Variants in TUSC3 observed in about 807,000 individuals in gnomAD.
TUSC3 encodes the protein tumor suppressor candidate 3, also known as dolichyl-diphosphooligosaccharide--protein glycosyltransferase subunit TUSC3.
In TUSC3, 45 loss-of-function variants were observed where a neutral mutation model predicts 44.8. The ratio of observed to expected loss-of-function variants is 1.00; its 90% CI spans 0.79 to 1.29. The LOEUF (loss-of-function observed/expected upper bound fraction) is 1.29, where lower values mean the gene tolerates loss of function less well. Among genes scored for constraint, TUSC3 ranks in the 50% most tolerant of loss-of-function variants. TUSC3 has a pLI of 0.00. For missense variants in TUSC3, 519 were observed against 437.9 expected (o/e 1.19, Z -1.65); for synonymous variants, 212 against 152.9 (o/e 1.39, Z -2.85).
chr8:15,622,364 C>G (rs1245930847), intron 1 of TUSC3, among the ~76,000 whole-genome samples: 1 of 151,538 alleles, frequency 6.6e-6, no homozygotes, highest in East Asian at 1.9e-4. Flanking sequence ...ACTCCTTGGG[C>G]TCAAGTGATC....
At chr8:15,617,675 G>A (rs1050259950) in intron 1 of TUSC3, among the ~76,000 whole-genome samples, 3 of 152,174 alleles carry the variant, frequency 2.0e-5, no homozygotes, top group Admixed American at 1.3e-4. Context: ...TTTGTGTACA[G>A]CTTCTTTTTC....
the TUSC3 span, among the ~76,000 whole-genome samples, chr8:15,838,157 A>G: frequency 6.6e-6 from 1 of 152,138 alleles, no homozygotes; most frequent in East Asian, 1.9e-4. Context: ...TGCCCTGAAA[A>G]TATCTTCCTA....
At chr8:15,788,615 C>T in the TUSC3 span, among the ~76,000 whole-genome samples, 1 of 151,564 alleles carries the variant, frequency 6.6e-6, no homozygotes, top group African/African-American at 2.4e-5. Context: ...AAATCAGATC[C>T]TCATCCAGAC....
At chr8:15,455,366 CATGTATATGT>C (rs1248076566) in intron 1 of TUSC3, among the ~76,000 whole-genome samples, 1 of 151,910 alleles carries the variant, frequency 6.6e-6, no homozygotes. Context: ...GGTGCTCCAT[CATGTATATGT>C]ATGTATATGT....
At chr8:15,577,446 G>C (rs1028600392) in intron 1 of TUSC3, among the ~76,000 whole-genome samples, 1 of 151,604 alleles carries the variant, frequency 6.6e-6, no homozygotes, top group Non-Finnish European at 1.5e-5. Flanking sequence ...TATGGTTTTA[G>C]CTCTAATGTT....
chr8:15,504,939 C>T (rs930596075), intron 2 of TUSC3, among the ~76,000 whole-genome samples: 5 of 151,712 alleles, frequency 3.3e-5, no homozygotes, highest in South Asian at 2.1e-4. Flanking sequence ...GGCAATTTTG[C>T]GTCTTTCTTT....
At chr8:15,843,406 T>A in the TUSC3 span, among the ~76,000 whole-genome samples, 1 of 152,112 alleles carries the variant, frequency 6.6e-6, no homozygotes, top group Non-Finnish European at 1.5e-5. Context: ...TGCAGAATGT[T>A]ATTTAACTCT....
At chr8:15,671,843 T>C (rs944923336) in intron 5 of TUSC3, among the ~76,000 whole-genome samples, 5 of 151,834 alleles carry the variant, frequency 3.3e-5, no homozygotes, top group Admixed American at 2.6e-4. Flanking sequence ...TAAATGATAC[T>C]TTTTTTTATG....
chr8:15,606,451 T>C lies in TUSC3; in HGVS notation c.139-16629T>C, dbSNP rs1359700837. 3.3e-5 allele frequency among the ~76,000 whole-genome samples: 5 copies of C among 152,162 alleles called. No individual in the cohort carries two copies. In the East Asian group the frequency reaches 9.7e-4, roughly 29 times the overall value. ...TGGGGAGTGAACACTTAACACGTGA[T>C]TTTTGACTGTGTGGGTGCCCCTAAC... is the stretch of plus-strand genomic sequence containing the variant. On this transcript the variant is annotated intron_variant, in intron 1 of 10. Transcript: ENST00000503731.
chr8:15,458,720 A>T (rs922568585), intron 1 of TUSC3, among the ~76,000 whole-genome samples: 2 of 152,180 alleles, frequency 1.3e-5, no homozygotes, highest in African/African-American at 4.8e-5. Context: ...TAAATGAACT[A>T]ATTTTTCATA....
chr8:15,745,105 T>G (rs772163297), intron 8 of TUSC3, among the ~76,000 whole-genome samples: 10 of 152,168 alleles, frequency 6.6e-5, no homozygotes, highest in Non-Finnish European at 4.4e-5. Context: ...TTCCTATTGA[T>G]GTAAAGGAGA....
Position 15,669,122 on chromosome 8 carries a change from T to G in TUSC3, c.709-4625T>G, listed in dbSNP as rs998454968. Among the ~76,000 whole-genome samples the G allele has an allele frequency of 7.9e-5, 12 of 151,810 alleles. No homozygotes were observed. In the South Asian group the frequency reaches 2.1e-3, roughly 26 times the overall value. On this transcript the variant is annotated intron_variant, in intron 5 of 10. Coordinates refer to ENST00000503731, the MANE Select transcript of TUSC3 (RefSeq NM_006765.4). ...AGCCATGGCTCAGTACATTCCCCAATTAGATTAGGGTGATAACACATCACT... is the reference window on the plus strand; with the variant it reads ...AGCCATGGCTCAGTACATTCCCCAAGTAGATTAGGGTGATAACACATCACT...
At chr8:15,671,787 G>C (rs746552900) in intron 5 of TUSC3, among the ~76,000 whole-genome samples, 45 of 151,912 alleles carry the variant, frequency 3.0e-4, no homozygotes, top group Admixed American at 1.8e-3. Flanking sequence ...TTCTAAATTA[G>C]TTCTTAAATA....
At chr8:15,497,321 T>C (rs1800896309) in intron 2 of TUSC3, among the ~76,000 whole-genome samples, 2 of 152,104 alleles carry the variant, frequency 1.3e-5, no homozygotes, top group African/African-American at 4.8e-5. Flanking sequence ...TGGGACACAA[T>C]AGAAGAGACA....
intron 1 of TUSC3, among the ~76,000 whole-genome samples, chr8:15,481,363 C>T (rs999716795): frequency 6.6e-6 from 1 of 151,792 alleles, no homozygotes; most frequent in Non-Finnish European, 1.5e-5. Context: ...ATTGAGGTAG[C>T]AGCTTCCTTA....
rs533647742 is a variant in TUSC3 at position 15,463,031 on chromosome 8, C to A, written n.92-20355C>A. Among the ~76,000 whole-genome samples, 4 of 152,132 alleles carry A rather than the reference C, an allele frequency of 2.6e-5. No homozygotes were observed. The South Asian group carries it at 8.3e-4, about 32-fold the overall frequency. On this transcript the variant is annotated intron_variant and non_coding_transcript_variant, in intron 1 of 5. Coordinates refer to the TUSC3 transcript ENST00000503191. ...CTCTTTATTTTCTGTTTCTCCTCCTCCTCATCTTCCTCCCCTTTTCCTCTT... is the reference window on the plus strand; with the variant it reads ...CTCTTTATTTTCTGTTTCTCCTCCTACTCATCTTCCTCCCCTTTTCCTCTT...
chr8:15,638,265 T>A (rs1806183788), intron 2 of TUSC3, among the ~76,000 whole-genome samples: 1 of 151,562 alleles, frequency 6.6e-6, no homozygotes, highest in African/African-American at 2.4e-5. Context: ...AAGTTATAAA[T>A]GTTAATTTCC....
rs112479798 is a variant in TUSC3 at position 15,441,144 on chromosome 8, C to T, written n.91+23839C>T. On this transcript the variant is annotated intron_variant and non_coding_transcript_variant, in intron 1 of 5. Coordinates refer to the TUSC3 transcript ENST00000503191. ...AGTGATGGCCAGGCACAGTGGCTCA[C>T]GCCTGTAATCCCAGCACTTTGGGAG... 8.9e-3 allele frequency among the ~76,000 whole-genome samples: 1,358 copies of T among 152,320 alleles called. 23 individuals are homozygous for T. The highest frequency in any genetic ancestry group is 0.031 in the African/African-American group (1,289 of 41,576).
chr8:15,423,806 C>G (rs755465845), intron 1 of TUSC3, among the ~76,000 whole-genome samples: 13 of 151,988 alleles, frequency 8.6e-5, no homozygotes, highest in Non-Finnish European at 1.6e-4. Flanking sequence ...ATAAACCTGT[C>G]TCGCTGTCTG....
Sources: allele counts gnomAD v4.1 joint callset (sites outside exome capture counted in the v4.1 genomes callset), GRCh38; gene constraint gnomAD v4.1.1; transcripts MANE v1.5; gene names NCBI Gene and HGNC (gene_info 2026-07-23, HGNC 2026-07-21).